PDE4D: variants seen among roughly 807,000 people sequenced by gnomAD.
The protein encoded by PDE4D is phosphodiesterase 4D.
Under a neutral mutation model 87.4 loss-of-function variants are expected in PDE4D, and 24 were observed. That is an observed-to-expected ratio of 0.27 (90% confidence interval 0.20 to 0.39). The LOEUF is 0.39. PDE4D is among the 10% of genes least tolerant of loss of function. The pLI, the probability that PDE4D is intolerant of heterozygous loss-of-function variation, is 1.00. For missense variants in PDE4D, 714 were observed against 1,041.0 expected (o/e 0.69, Z 4.32); for synonymous variants, 384 against 383.2 (o/e 1.00, Z -0.02).
intron 5 of PDE4D, among the ~76,000 whole-genome samples, chr5:59,096,821 C>G (rs956360337): frequency 6.6e-6 from 1 of 152,138 alleles, no homozygotes; most frequent in Non-Finnish European, 1.5e-5. Context: ...TATGGTCTAC[C>G]TAAACCTCAT....
chr5:60,401,224 C>T lies in PDE4D; in HGVS notation c.-90+86718G>A, dbSNP rs74452981. ...CCCAAATTTCAAGGAGTGGTTCCAACAAGGAGACTGCACAAAAAGCCGGCT... is the reference window on the plus strand; with the variant it reads ...CCCAAATTTCAAGGAGTGGTTCCAATAAGGAGACTGCACAAAAAGCCGGCT... On this transcript the variant is annotated intron_variant, in intron 1 of 16. Coordinates refer to the PDE4D transcript ENST00000502484. 2.5e-3 allele frequency among the ~76,000 whole-genome samples: 382 copies of T among 152,236 alleles called. 5 individuals carry two copies. The highest frequency in any genetic ancestry group is 8.9e-3 in the African/African-American group (369 of 41,542).
Position 60,351,279 on chromosome 5 carries a change from A to G in PDE4D, c.-90+136663T>C, listed in dbSNP as rs184835238. On this transcript the variant is annotated intron_variant, in intron 1 of 16. Coordinates refer to the PDE4D transcript ENST00000502484. Reference sequence around the variant, plus strand: ...GATTAGAGTTGCCCACTAAATATCCACTCATCTTCTTCTCCTTTCATAACA... The same window carrying G: ...GATTAGAGTTGCCCACTAAATATCCGCTCATCTTCTTCTCCTTTCATAACA... Among the ~76,000 whole-genome samples, 7 of 151,944 alleles carry G rather than the reference A, an allele frequency of 4.6e-5. 1 individual carries two copies. Among genetic ancestry groups the G allele is most frequent in the African/African-American group, 1.7e-4 (7 of 41,456 alleles).
intron 1 of PDE4D, among the ~76,000 whole-genome samples, chr5:59,544,754 T>C (rs567376874): frequency 1.3e-5 from 2 of 152,306 alleles, no homozygotes; most frequent in Non-Finnish European, 2.9e-5. Flanking sequence ...TTTTTACAAA[T>C]GTCATATGTA....
At chr5:59,526,861 A>G (rs536591949) in intron 1 of PDE4D, among the ~76,000 whole-genome samples, 1 of 152,228 alleles carries the variant, frequency 6.6e-6, no homozygotes, top group African/African-American at 2.4e-5. Context: ...CCTGGGCTCA[A>G]GCAATCCACC....
intron 1 of PDE4D, among the ~76,000 whole-genome samples, chr5:60,408,468 T>C (rs946858768): frequency 1.3e-5 from 2 of 152,218 alleles, no homozygotes; most frequent in Admixed American, 1.3e-4. Flanking sequence ...GCACACAACT[T>C]GACAATTACT....
upstream of PDE4D, among the ~76,000 whole-genome samples, chr5:60,492,577 A>G (rs562508480): frequency 2.0e-5 from 3 of 152,206 alleles, no homozygotes; most frequent in Non-Finnish European, 4.4e-5. Context: ...AAAGGATGAG[A>G]TCATGTCCTT....
intron 2 of PDE4D, among the ~76,000 whole-genome samples, chr5:60,040,155 G>C (rs1768299757): frequency 6.6e-6 from 1 of 152,086 alleles, no homozygotes; most frequent in Admixed American, 6.6e-5. Flanking sequence ...CACAATTTTT[G>C]TATTTGATTA....
At position 59,275,912 on chromosome 5, in the gene PDE4D, G is replaced by T. The variant is rs74394423; in HGVS notation, c.456-59944C>A. 0.073 allele frequency: 72,065 copies of T among 985,222 alleles called. 2,679 individuals are homozygous for T. The highest frequency in any genetic ancestry group is 0.12 in the Middle Eastern group (223 of 1,914). 61.0% of individuals were successfully genotyped at this position (985,222 alleles called of 1,614,324 possible). On this transcript the variant is annotated intron_variant, in intron 1 of 14. Transcript: ENST00000340635. Reference sequence around the variant, plus strand: ...ACAGGAAAACACTCCTCTCCGTGGAGCAAAGAAGTCAGCCAAGGAACAAAT... The same window carrying T: ...ACAGGAAAACACTCCTCTCCGTGGATCAAAGAAGTCAGCCAAGGAACAAAT...
At chr5:59,110,718 A>G (rs1486183323) in intron 5 of PDE4D, among the ~76,000 whole-genome samples, 1 of 152,110 alleles carries the variant, frequency 6.6e-6, no homozygotes, top group Non-Finnish European at 1.5e-5. Context: ...CAAAAGATAC[A>G]AAAATTAGCC....
In PDE4D at chr5:60,108,209, G is replaced by C. The variant is rs868042073; in HGVS notation, c.42+77348C>G. 8.6e-5 allele frequency among the ~76,000 whole-genome samples: 13 copies of C among 151,314 alleles called. 1 individual carries two copies. Among genetic ancestry groups the C allele is most frequent in the Middle Eastern group, 6.8e-3 (2 of 294 alleles). On this transcript the variant is annotated intron_variant, in intron 2 of 16. Transcript: ENST00000502484. ...CAAAAATCACAAGCATTCTTATACA[G>C]CAACAACAGACAAACAGAGAGCCAA... is the stretch of plus-strand genomic sequence containing the variant.
At chr5:60,094,360 C>T (rs1268129989) in intron 2 of PDE4D, among the ~76,000 whole-genome samples, 6 of 152,012 alleles carry the variant, frequency 3.9e-5, no homozygotes, top group Non-Finnish European at 8.8e-5. Context: ...ATTAAGATGG[C>T]ATGGTTTAAC....
chr5:60,474,150 A>AT (rs1274940940), intron 1 of PDE4D, among the ~76,000 whole-genome samples: 54 of 96,368 alleles, frequency 5.6e-4, no homozygotes, highest in African/African-American at 3.3e-3. Flanking sequence ...ATATATATAT[A>AT]ACAAAAACCT....
At chr5:59,768,174 A>G (rs1581007182) in intron 1 of PDE4D, 2 of 1,553,666 alleles carry the variant, frequency 1.3e-6, no homozygotes, top group East Asian at 4.5e-5. Context: ...CTACCCCCAA[A>G]ATTAAAGGCG....
At chr5:59,928,231 T>C (rs1393759335) in intron 3 of PDE4D, among the ~76,000 whole-genome samples, 1 of 152,184 alleles carries the variant, frequency 6.6e-6, no homozygotes, top group East Asian at 1.9e-4. Context: ...TTTGAAACTC[T>C]CCTCCAAGGA....
At chr5:59,639,219 GT>G (rs926769278) in intron 1 of PDE4D, among the ~76,000 whole-genome samples, 6 of 151,718 alleles carry the variant, frequency 4.0e-5, no homozygotes, top group East Asian at 1.9e-4. Flanking sequence ...AGATATTAAG[GT>G]TTTTTTCCTT....
At chr5:60,441,934 G>T (rs984313397) in intron 1 of PDE4D, among the ~76,000 whole-genome samples, 1 of 151,942 alleles carries the variant, frequency 6.6e-6, no homozygotes, top group African/African-American at 2.4e-5. Context: ...AAAAAGTCAG[G>T]AAACAGCAGA....
chr5:59,940,785 A>G (rs1757091293), intron 3 of PDE4D, among the ~76,000 whole-genome samples: 1 of 152,150 alleles, frequency 6.6e-6, no homozygotes, highest in Non-Finnish European at 1.5e-5. Context: ...CTAGGTGTAG[A>G]GATATTAACT....
intron 1 of PDE4D, among the ~76,000 whole-genome samples, chr5:59,348,714 A>T (rs1228028566): frequency 2.0e-5 from 3 of 148,298 alleles, no homozygotes; most frequent in African/African-American, 7.5e-5. Flanking sequence ...ACAGTAATAT[A>T]TATTTACTCT....
At chr5:59,096,790 T>C (rs1158017189) in intron 5 of PDE4D, among the ~76,000 whole-genome samples, 1 of 152,178 alleles carries the variant, frequency 6.6e-6, no homozygotes, top group Non-Finnish European at 1.5e-5. Flanking sequence ...CCTCATGAAG[T>C]GTTCTAATTG....
Sources: allele counts gnomAD v4.1 joint callset (sites outside exome capture counted in the v4.1 genomes callset), GRCh38; gene constraint gnomAD v4.1.1; transcripts MANE v1.5; gene names NCBI Gene and HGNC (gene_info 2026-07-23, HGNC 2026-07-21).